RIMBP2: variants seen among roughly 807,000 people sequenced by gnomAD.
The protein encoded by RIMBP2 is RIMS-binding protein 2.
Under a neutral mutation model 118.6 loss-of-function variants are expected in RIMBP2, and 48 were observed. The ratio of observed to expected loss-of-function variants is 0.40; its 90% CI spans 0.32 to 0.51. RIMBP2 has a LOEUF of 0.51. Ranked by LOEUF, RIMBP2 falls within the 20% of genes least tolerant of loss-of-function variation. The pLI, the probability that RIMBP2 is intolerant of heterozygous loss-of-function variation, is 0.41. For missense variants in RIMBP2, 1,551 were observed against 1,768.3 expected (o/e 0.88, Z 2.20); for synonymous variants, 762 against 742.9 (o/e 1.03, Z -0.42).
chr12:130,692,383 C>T (rs1449452427), intron 1 of RIMBP2, among the ~76,000 whole-genome samples: 1 of 152,156 alleles, frequency 6.6e-6, no homozygotes, highest in Non-Finnish European at 1.5e-5. Flanking sequence ...ATCTTAATTG[C>T]CTGGTTTGAG....
chr12:130,669,935 C>T (rs2136437861), intron 1 of RIMBP2, among the ~76,000 whole-genome samples: 1 of 152,254 alleles, frequency 6.6e-6, no homozygotes, highest in South Asian at 2.1e-4. Context: ...CCTTTTTCCA[C>T]AGAACCTAAG....
rs192958253 is a variant in RIMBP2, at chr12:130,475,319, G to A, written c.102+3593C>T. Among the ~76,000 whole-genome samples, 30 of 152,326 alleles carry A rather than the reference G, an allele frequency of 2.0e-4. No individual in the cohort carries two copies. Among genetic ancestry groups the A allele is most frequent in the African/African-American group, 7.0e-4 (29 of 41,584 alleles). On this transcript the variant is annotated intron_variant, in intron 5 of 22. Transcript: ENST00000690449. This position sits in a 1 kb window ranked among gnomAD's most constrained non-coding sequence, Gnocchi z 4.1. ...AAAGGTGCCTCTGGACAAGGTGCTG[G>A]GATGCAGGCCCCTGATATTAGACGC... is the stretch of plus-strand genomic sequence containing the variant.
At chr12:130,499,387 T>A (rs549255671) in intron 4 of RIMBP2, among the ~76,000 whole-genome samples, 1 of 152,242 alleles carries the variant, frequency 6.6e-6, no homozygotes, top group South Asian at 2.1e-4. Flanking sequence ...CTCTACAGAG[T>A]TGCAGATATA....
intron 2 of RIMBP2, among the ~76,000 whole-genome samples, chr12:130,602,620 T>G (rs2059938541): frequency 6.6e-6 from 1 of 152,172 alleles, no homozygotes; most frequent in Non-Finnish European, 1.5e-5. Flanking sequence ...TTTGCTTGAC[T>G]TTTTTGGTAG....
chr12:130,666,998 G>A (rs1236485540), intron 1 of RIMBP2, among the ~76,000 whole-genome samples: 5 of 131,086 alleles, frequency 3.8e-5, no homozygotes, highest in African/African-American at 9.0e-5. Flanking sequence ...AGGGAGGAAG[G>A]GAAGGAGGGA....
chr12:130,692,095 T>TA (rs2065333713), intron 1 of RIMBP2, among the ~76,000 whole-genome samples: 1 of 152,212 alleles, frequency 6.6e-6, no homozygotes, highest in African/African-American at 2.4e-5. Flanking sequence ...GCAGAGCTGG[T>TA]GTGCAGCTGA....
chr12:130,600,967 C>A (rs1381502837), intron 2 of RIMBP2, among the ~76,000 whole-genome samples: 1 of 152,206 alleles, frequency 6.6e-6, no homozygotes, highest in African/African-American at 2.4e-5. Flanking sequence ...AACCTCCCCA[C>A]ACCTCTATAA....
intron 2 of RIMBP2, among the ~76,000 whole-genome samples, chr12:130,612,807 G>T (rs2060639344): frequency 6.6e-6 from 1 of 152,134 alleles, no homozygotes; most frequent in Non-Finnish European, 1.5e-5. Flanking sequence ...ACCCCATCCG[G>T]GTGAAGCAAG....
At chr12:130,594,928 T>C (rs893442076) in intron 2 of RIMBP2, among the ~76,000 whole-genome samples, 1 of 152,186 alleles carries the variant, frequency 6.6e-6, no homozygotes, top group African/African-American at 2.4e-5. Context: ...AGTAATACAA[T>C]GAAACACAGC....
intron 6 of RIMBP2, 42 bp from the exon 7 acceptor site, chr12:130,456,742 G>C: frequency 6.7e-7 from 1 of 1,502,698 alleles, no homozygotes; most frequent in Non-Finnish European, 9.1e-7. Flanking sequence ...GGTGGCATTT[G>C]GTGGTGGAAA....
rs2058464823 is a variant in RIMBP2 at position 130,581,292 on chromosome 12, G to A, written c.-217+47030C>T. The stretch of plus-strand genomic sequence containing the variant: ...CAAACACAACAGGGTGGGGGGCGTG[G>A]ATCTGGTGAGCTGAAGCCCACACAG... On this transcript the variant is annotated intron_variant, in intron 2 of 22. Transcript: ENST00000690449. This position sits in a 1 kb window ranked among gnomAD's most constrained non-coding sequence, Gnocchi z 4.4. Among the ~76,000 whole-genome samples, 1 of 149,768 alleles carries A rather than the reference G, an allele frequency of 6.7e-6. No individual in the cohort carries two copies.
At chr12:130,510,761 AC>A in intron 3 of RIMBP2, among the ~76,000 whole-genome samples, 1 of 152,230 alleles carries the variant, frequency 6.6e-6, no homozygotes, top group Non-Finnish European at 1.5e-5. Context: ...GAACCACCTC[AC>A]CCGGCTGATA....
At chr12:130,498,225 G>A (rs1342286564) in intron 4 of RIMBP2, among the ~76,000 whole-genome samples, 2 of 152,048 alleles carry the variant, frequency 1.3e-5, no homozygotes, top group Non-Finnish European at 1.5e-5. Flanking sequence ...CTGACTCCAG[G>A]CCTCTGGCTG....
intron 2 of RIMBP2, among the ~76,000 whole-genome samples, chr12:130,580,444 C>A (rs940649545): frequency 5.3e-5 from 8 of 152,164 alleles, no homozygotes; most frequent in African/African-American, 1.9e-4. Context: ...GATGTGTCTT[C>A]CCTCCCCTTC....
At chr12:130,553,246 AG>A (rs1339869128) in intron 2 of RIMBP2, among the ~76,000 whole-genome samples, 1 of 152,122 alleles carries the variant, frequency 6.6e-6, no homozygotes, top group Non-Finnish European at 1.5e-5. Flanking sequence ...ATGACTGGCT[AG>A]CCCCACACCA....
At chr12:130,634,677 G>A (rs560725087) in intron 1 of RIMBP2, among the ~76,000 whole-genome samples, 38 of 151,646 alleles carry the variant, frequency 2.5e-4, no homozygotes, top group African/African-American at 7.0e-4. Context: ...CTGCAGCCTC[G>A]ACCTCCCAGC....
chr12:130,573,393 C>T (rs79457993), intron 2 of RIMBP2, among the ~76,000 whole-genome samples: 72 of 151,252 alleles, frequency 4.8e-4, no homozygotes, highest in South Asian at 2.7e-3. Context: ...AGTGTTCGCG[C>T]GTGTGTGTGC....
chr12:130,424,635 G>A lies in RIMBP2; in HGVS notation c.2636C>T (p.Pro879Leu). 2 of 1,231,822 alleles carry A rather than the reference G, an allele frequency of 1.6e-6. No homozygotes were observed. The highest frequency in any genetic ancestry group is 2.0e-6 in the Non-Finnish European group (2 of 987,796). The allele number at this position is 1,231,822 out of a possible 1,614,324, so 76.3% of individuals were successfully genotyped here. A position where few individuals can be genotyped will look rare whatever the true frequency, so the allele number is the denominator to read the frequency against. The change falls in exon 16 of 23, where the codon CCT becomes CTT. Residue 879 changes from proline to leucine, a missense_variant. Pro to Leu is a moderately conservative substitution (Grantham distance 98, BLOSUM62 -3). This residue lies in a region of RIMBP2 where 1,038 missense variants were observed against 1,125.1 expected (regional missense o/e 0.92). Transcript: ENST00000690449. This position sits in a 1 kb window ranked among gnomAD's most constrained non-coding sequence, Gnocchi z 9.8. Reference protein sequence around the residue: ...PGRPYRGDEAPRGSWFPVKHR... With the variant: ...PGRPYRGDEALRGSWFPVKHR... The stretch of plus-strand genomic sequence containing the variant: ...CTTCACCGGGAACCAGGAGCCCCGA[G>A]GGGCCTCGTCGCCCCTGTAGGGCCT...
chr12:130,613,619 T>C (rs1222831437), intron 2 of RIMBP2, among the ~76,000 whole-genome samples: 1 of 151,990 alleles, frequency 6.6e-6, no homozygotes, highest in Non-Finnish European at 1.5e-5. Context: ...ATGAAGATCA[T>C]CCTGGCCAAC....
Sources: allele counts gnomAD v4.1 joint callset (sites outside exome capture counted in the v4.1 genomes callset), GRCh38; gene constraint gnomAD v4.1.1; regional missense constraint gnomAD v4.1.1; non-coding constraint Gnocchi (gnomAD v3.1); transcripts MANE v1.5; gene names NCBI Gene and HGNC (gene_info 2026-07-23, HGNC 2026-07-21).